Variants in DENND2A observed in about 807,000 individuals in gnomAD.
DENND2A encodes DENN domain-containing protein 2A.
A neutral mutation model predicts 105.3 loss-of-function variants in DENND2A; 53 were observed. The ratio of observed to expected loss-of-function variants is 0.50; its 90% CI spans 0.40 to 0.63. The LOEUF (loss-of-function observed/expected upper bound fraction) is 0.63. Ranked by LOEUF, DENND2A falls within the 30% of genes least tolerant of loss-of-function variation. The pLI, the probability that DENND2A is intolerant of heterozygous loss-of-function variation, is 0.00. For synonymous variants in DENND2A, 522 were observed against 508.4 expected (o/e 1.03, Z -0.36); for missense variants, 1,138 against 1,279.6 (o/e 0.89, Z 1.69).
Position 140,523,172 on chromosome 7 carries a change from A to G in DENND2A, c.2665+135T>C, listed in dbSNP as rs1464017778. On this transcript the variant is annotated intron_variant, in intron 17 of 19. Coordinates refer to ENST00000496613, the MANE Select transcript of DENND2A (RefSeq NM_015689.5). This position sits in a 1 kb window ranked among gnomAD's most constrained non-coding sequence, Gnocchi z 4.5. Reference sequence around the variant, plus strand: ...CACTGTGGGAATGAAATCCAGATAAACAGAATGAGGCCCTGGTTTCTCTCC... The same window carrying G: ...CACTGTGGGAATGAAATCCAGATAAGCAGAATGAGGCCCTGGTTTCTCTCC... 2 of 789,504 alleles carry G rather than the reference A, an allele frequency of 2.5e-6. No homozygotes were observed. The highest frequency in any genetic ancestry group is 1.7e-5 in the South Asian group (1 of 59,906). 48.9% of individuals were successfully genotyped at this position (789,504 alleles called of 1,614,324 possible). A position where few individuals can be genotyped will look rare whatever the true frequency, so the allele number is the denominator to read the frequency against.
intron 2 of DENND2A, among the ~76,000 whole-genome samples, chr7:140,603,144 G>C (rs1799578043): frequency 6.6e-6 from 1 of 152,156 alleles, no homozygotes; most frequent in Non-Finnish European, 1.5e-5. Flanking sequence ...TTAGCGGGGT[G>C]TGGTGGCAGG....
intron 2 of DENND2A, among the ~76,000 whole-genome samples, chr7:140,603,911 T>G (rs1021847287): frequency 1.3e-5 from 2 of 152,238 alleles, no homozygotes; most frequent in Non-Finnish European, 2.9e-5. Context: ...AGAACATATA[T>G]GTAATGATAC....
intron 1 of DENND2A, among the ~76,000 whole-genome samples, chr7:140,626,156 G>C (rs192193349): frequency 5.3e-5 from 8 of 152,290 alleles, no homozygotes; most frequent in African/African-American, 1.9e-4. Context: ...GGCACCGTAC[G>C]GGCCTTCCAC....
At chr7:140,627,831 T>C (rs1360941762) in intron 1 of DENND2A, among the ~76,000 whole-genome samples, 1 of 151,934 alleles carries the variant, frequency 6.6e-6, no homozygotes, top group Non-Finnish European at 1.5e-5. Flanking sequence ...CCAGCATACA[T>C]TAATTCTTTT....
chr7:140,519,969 C>T (rs1795794497), intron 18 of DENND2A, among the ~76,000 whole-genome samples: 1 of 150,512 alleles, frequency 6.6e-6, no homozygotes, highest in South Asian at 2.1e-4. Flanking sequence ...CAACAAACGC[C>T]TTCCGAGCGT....
chr7:140,601,359 G>C (rs199746686), intron 3 of DENND2A, 44 bp downstream of exon 3: 88 of 1,530,782 alleles, frequency 5.7e-5, no homozygotes, highest in Middle Eastern at 3.6e-4. Flanking sequence ...AAACCACTGA[G>C]AGAGTCAGGT....
chr7:140,541,905 G>C (rs1796675200), intron 14 of DENND2A, among the ~76,000 whole-genome samples: 1 of 152,358 alleles, frequency 6.6e-6, no homozygotes, highest in Non-Finnish European at 1.5e-5. Context: ...TGAGGGGAGA[G>C]GGTGGGGCCG....
chr7:140,521,713 G>A lies in DENND2A; in HGVS notation c.2911+142C>T, dbSNP rs536112846. ...GGGGGCCTTCCTACCAGCTCAGTCA[G>A]GGCATAACTGCAAGCTCTCTGGGGG... On this transcript the variant is annotated intron_variant, in intron 18 of 19. Transcript: ENST00000496613. The A allele has an allele frequency of 7.3e-6, 10 of 1,377,082 alleles. No homozygotes were observed. The South Asian group carries it at 1.2e-4, about 17-fold the overall frequency. The allele number at this position is 1,377,082 out of a possible 1,614,324, so 85.3% of individuals were successfully genotyped here. A position where few individuals can be genotyped will look rare whatever the true frequency, so the allele number is the denominator to read the frequency against.
At chr7:140,553,527 T>C (rs1321117089) in intron 12 of DENND2A, among the ~76,000 whole-genome samples, 2 of 152,154 alleles carry the variant, frequency 1.3e-5, no homozygotes, top group African/African-American at 4.8e-5. Flanking sequence ...AGACCCTTTA[T>C]GGGTGTCGGG....
At chr7:140,586,740 C>A (rs978220508) in intron 4 of DENND2A, among the ~76,000 whole-genome samples, 57 of 152,308 alleles carry the variant, frequency 3.7e-4, no homozygotes, top group African/African-American at 1.3e-3. Context: ...CCATCTCCAG[C>A]AGCCTGGACA....
intron 4 of DENND2A, 53 bp downstream of exon 4, chr7:140,587,600 C>A: frequency 6.2e-7 from 1 of 1,608,822 alleles, no homozygotes; most frequent in Non-Finnish European, 8.5e-7. Context: ...CATTCTCCCT[C>A]CCCTTTCTCC....
chr7:140,623,132 C>T (rs1397631795), intron 1 of DENND2A, among the ~76,000 whole-genome samples: 1 of 149,130 alleles, frequency 6.7e-6, no homozygotes, highest in East Asian at 2.1e-4. Flanking sequence ...CTCAGGAGTT[C>T]GAGACCAGTC....
Position 140,518,536 on chromosome 7 carries a change from G to T in DENND2A, c.*171C>A. On this transcript the variant is annotated 3_prime_UTR_variant, in exon 20 of 20. Transcript: ENST00000496613. ...CTCCCTTTCTGGGGCTGTCCTCCCA[G>T]GCGGCTCCCAGGTCCTCATCCAGGG... 2 of 548,636 alleles carry T rather than the reference G, an allele frequency of 3.6e-6. No homozygotes were observed. Among genetic ancestry groups the T allele is most frequent in the Non-Finnish European group, 3.2e-6 (1 of 315,376 alleles). The allele number at this position is 548,636 out of a possible 1,614,324, so 34.0% of individuals were successfully genotyped here.
chr7:140,529,780 C>T (rs113340473), intron 14 of DENND2A, among the ~76,000 whole-genome samples: 80 of 151,632 alleles, frequency 5.3e-4, no homozygotes, highest in African/African-American at 1.6e-3. Context: ...ACATCACACA[C>T]CGGGGCCTGT....
At chr7:140,542,236 T>G (rs1177880726) in intron 14 of DENND2A, among the ~76,000 whole-genome samples, 1 of 152,182 alleles carries the variant, frequency 6.6e-6, no homozygotes, top group African/African-American at 2.4e-5. Context: ...AATGAGCTTC[T>G]TTTTAGAAGC....
At chr7:140,530,855 A>C (rs1455583213) in intron 14 of DENND2A, among the ~76,000 whole-genome samples, 1 of 151,818 alleles carries the variant, frequency 6.6e-6, no homozygotes, top group East Asian at 1.9e-4. Flanking sequence ...CTCAGCCTCC[A>C]GTGTAGCTGA....
rs1328440021 is a variant in DENND2A at position 140,523,263 on chromosome 7, A to G, written c.2665+44T>C. The G allele has an allele frequency of 4.4e-6, 7 of 1,586,656 alleles. No individual in the cohort carries two copies. Among genetic ancestry groups the G allele is most frequent in the Admixed American group, 1.7e-5 (1 of 59,952 alleles). Reference sequence around the variant, plus strand: ...ACTGCCCATTTGTTCCCTGACCCTCAGAGTGGAAGGGAGAGACCCACTGGG... The same window carrying G: ...ACTGCCCATTTGTTCCCTGACCCTCGGAGTGGAAGGGAGAGACCCACTGGG... On this transcript the variant is annotated intron_variant, in intron 17 of 19. Transcript: ENST00000496613. This position sits in a 1 kb window ranked among gnomAD's most constrained non-coding sequence, Gnocchi z 4.5.
At position 140,523,338 on chromosome 7, in the gene DENND2A, C is replaced by G; in HGVS notation, c.2634G>C (p.Glu878Asp). 1 of 1,614,188 alleles carries G rather than the reference C, an allele frequency of 6.2e-7. No individual in the cohort carries two copies. The highest frequency in any genetic ancestry group is 8.5e-7 in the Non-Finnish European group (1 of 1,180,038). The stretch of plus-strand genomic sequence containing the variant: ...TGCCGTCTAGGGGCCCTTCGTCCTG[C>G]TCACAAGCCAGCTCGTTCCTCTGTT... ...ILEQRNELAC[E>D]QDEGPLDGRH... Residue 878 changes from glutamate to aspartate, a missense_variant, in exon 17 of 20, where the codon GAG (glutamate) becomes GAC (aspartate). Transcript: ENST00000496613. This position sits in a 1 kb window ranked among gnomAD's most constrained non-coding sequence, Gnocchi z 4.5.
At position 140,523,437 on chromosome 7, in the gene DENND2A, G is replaced by A; in HGVS notation, c.2548-13C>T. ...CCTCATCGTCCATCTGGAAAGCAGA[G>A]GTAGCAGGTGGGCTTATGGGCACGG... On this transcript the variant is annotated splice_polypyrimidine_tract_variant and intron_variant, in intron 16 of 19. Transcript: ENST00000496613. This position sits in a 1 kb window ranked among gnomAD's most constrained non-coding sequence, Gnocchi z 4.5. The A allele has an allele frequency of 1.2e-6, 2 of 1,613,260 alleles. No homozygotes were observed. Among genetic ancestry groups the A allele is most frequent in the Non-Finnish European group, 1.7e-6 (2 of 1,179,346 alleles).
Sources: gnomAD v4.1 joint callset for allele counts (sites outside exome capture counted in the v4.1 genomes callset) on GRCh38, gnomAD v4.1.1 for gene constraint, Gnocchi (gnomAD v3.1) non-coding constraint, MANE v1.5 for transcripts, NCBI Gene and HGNC (gene_info 2026-07-23, HGNC 2026-07-21) for gene names.